RNF41: variants seen among roughly 807,000 people sequenced by gnomAD.
RNF41 encodes E3 ubiquitin-protein ligase NRDP1.
A neutral mutation model predicts 33.0 loss-of-function variants in RNF41; 4 were observed. The observed-to-expected ratio is 0.12, with a 90% CI of 0.06 to 0.28. RNF41 has a LOEUF of 0.28. RNF41 is among the 10% of genes least tolerant of loss of function. RNF41 has a pLI of 1.00. For synonymous variants in RNF41, 164 were observed against 153.2 expected (o/e 1.07, Z -0.52); for missense variants, 228 against 432.6 (o/e 0.53, Z 4.19).
At position 56,206,330 on chromosome 12, in the gene RNF41, T is replaced by C; in HGVS notation, c.*117A>G. The C allele has an allele frequency of 3.4e-6, 3 of 880,466 alleles. No individual in the cohort carries two copies. Among genetic ancestry groups the C allele is most frequent in the East Asian group, 2.4e-5 (1 of 41,144 alleles). The allele number at this position is 880,466 out of a possible 1,614,324, so 54.5% of individuals were successfully genotyped here. ...CTTCAGTGCCAGAAGGGCAGGGAGA[T>C]GTGTGGCTCAGGTATAAGCCACAGT... On this transcript the variant is annotated 3_prime_UTR_variant, in exon 7 of 7. Coordinates refer to ENST00000345093, the MANE Select transcript of RNF41 (RefSeq NM_005785.4). This position sits in a 1 kb window ranked among gnomAD's most constrained non-coding sequence, Gnocchi z 5.7.
rs186354588 is a variant in RNF41, at chr12:56,203,362, T to C, written c.*3085A>G. On this transcript the variant is annotated 3_prime_UTR_variant, in exon 7 of 7. Transcript: ENST00000345093. Reference sequence around the variant, plus strand: ...CCATGTCTGGCTATCCTTTTTCTTATGACAGGGAAAGGTAGCAGCAAATAC... The same window carrying C: ...CCATGTCTGGCTATCCTTTTTCTTACGACAGGGAAAGGTAGCAGCAAATAC... 2.7e-5 allele frequency: 4 copies of C among 149,434 alleles called. No individual in the cohort carries two copies. The highest frequency in any genetic ancestry group is 5.9e-5 in the Non-Finnish European group (4 of 67,736). The allele number at this position is 149,434 out of a possible 1,614,324, so 9.3% of individuals were successfully genotyped here. A position where few individuals can be genotyped will look rare whatever the true frequency, so the allele number is the denominator to read the frequency against.
At chr12:56,219,015 T>C (rs1325589308) in intron 1 of RNF41, among the ~76,000 whole-genome samples, 1 of 151,232 alleles carries the variant, frequency 6.6e-6, no homozygotes, top group Admixed American at 6.6e-5. Context: ...TTTTCTTTTT[T>C]TTTTTGAGAT....
At chr12:56,213,720 T>A (rs1342025089) in intron 3 of RNF41, among the ~76,000 whole-genome samples, 5 of 152,104 alleles carry the variant, frequency 3.3e-5, no homozygotes, top group African/African-American at 1.2e-4. Context: ...GAGAAATCTT[T>A]CAGAGTGACC....
At chr12:56,221,037 T>A (rs74454414) in intron 1 of RNF41, among the ~76,000 whole-genome samples, 2,222 of 152,230 alleles carry the variant, frequency 0.015, 25 homozygotes, top group Middle Eastern at 0.041. Flanking sequence ...ACAGCCCCAC[T>A]TGCTATTAAA....
In RNF41 at chr12:56,206,087, C is replaced by T. The variant is rs1003483273; in HGVS notation, c.*360G>A. 5 of 207,624 alleles carry T rather than the reference C, an allele frequency of 2.4e-5. No individual in the cohort carries two copies. The highest frequency in any genetic ancestry group is 1.9e-4 in the South Asian group (2 of 10,530). 12.9% of individuals were successfully genotyped at this position (207,624 alleles called of 1,614,324 possible). ...ATTCCCTGGTTTTGGAGGAGAGGGACGATTAGAGATTCCTTCCTCTGTCCT... is the reference window on the plus strand; with the variant it reads ...ATTCCCTGGTTTTGGAGGAGAGGGATGATTAGAGATTCCTTCCTCTGTCCT... On this transcript the variant is annotated 3_prime_UTR_variant, in exon 7 of 7. Coordinates refer to ENST00000345093, the MANE Select transcript of RNF41 (RefSeq NM_005785.4). The surrounding 1 kb of genome is among the most constrained non-coding windows in gnomAD (Gnocchi z 5.7).
At chr12:56,217,569 G>C (rs1352332309) in intron 1 of RNF41, among the ~76,000 whole-genome samples, 1 of 152,114 alleles carries the variant, frequency 6.6e-6, no homozygotes, top group African/African-American at 2.4e-5. Flanking sequence ...AAAATGCATA[G>C]ATCCATAATA....
chr12:56,207,850 A>T (rs60378437), intron 5 of RNF41, 101 bp from the exon 6 acceptor site: 1 of 956,614 alleles, frequency 1.0e-6, no homozygotes. Context: ...TCTGAAGAAC[A>T]ACCAGTTTGT....
Position 56,210,491 on chromosome 12 carries a change from G to A in RNF41, c.168C>T (p.Asp56=). 1 of 1,614,170 alleles carries A rather than the reference G, an allele frequency of 6.2e-7. No individual in the cohort carries two copies. The highest frequency in any genetic ancestry group is 8.5e-7 in the Non-Finnish European group (1 of 1,180,026). Residue 56 remains aspartate, a synonymous_variant, in exon 4 of 7, where the codon GAC becomes GAT. Coordinates refer to ENST00000345093, the MANE Select transcript of RNF41 (RefSeq NM_005785.4). ...WFSQQQTCPV[D]RSVVTVAHLR... ...GATGGGCGACCGTCACAACACTACG[G>A]TCCACTGGACATGTCTGTTGCTGAG...
At chr12:56,214,685 T>C (rs1258458821) in intron 2 of RNF41, among the ~76,000 whole-genome samples, 1 of 151,012 alleles carries the variant, frequency 6.6e-6, no homozygotes, top group African/African-American at 2.4e-5. Flanking sequence ...AAAAATTAGC[T>C]GGGCGTGGTG....
intron 1 of RNF41, among the ~76,000 whole-genome samples, chr12:56,216,900 G>C (rs1474530202): frequency 6.6e-6 from 1 of 152,182 alleles, no homozygotes; most frequent in Non-Finnish European, 1.5e-5. Flanking sequence ...CAGCTCTTAG[G>C]GAGGCCAAGG....
intron 1 of RNF41, among the ~76,000 whole-genome samples, chr12:56,220,471 C>T (rs901955101): frequency 6.6e-6 from 1 of 151,996 alleles, no homozygotes; most frequent in African/African-American, 2.4e-5. Flanking sequence ...CCCGCCTCGT[C>T]CTCCCAAAGT....
intron 2 of RNF41, among the ~76,000 whole-genome samples, chr12:56,215,398 C>G (rs534252792): frequency 1.1e-4 from 17 of 152,038 alleles, no homozygotes; most frequent in African/African-American, 3.4e-4. Flanking sequence ...AGAGTCTGAA[C>G]TTAGGTGGTG....
At chr12:56,210,654 C>T in intron 3 of RNF41, 86 bp from the exon 4 acceptor site, 2 of 1,406,764 alleles carry the variant, frequency 1.4e-6, no homozygotes, top group Non-Finnish European at 2.0e-6. Flanking sequence ...CAAAGCCAAT[C>T]AAGCCTTTGA....
rs1565937284 is a variant in RNF41 at position 56,203,213 on chromosome 12, C to T, written c.*3234G>A. On this transcript the variant is annotated 3_prime_UTR_variant, in exon 7 of 7. Transcript: ENST00000345093. Reference sequence around the variant, plus strand: ...TTCTTTTTTTTTTTTGAGACAGGCTCTTGCTCTGTCACCAGGCTGGAGTGC... The same window carrying T: ...TTCTTTTTTTTTTTTGAGACAGGCTTTTGCTCTGTCACCAGGCTGGAGTGC... 6.6e-6 allele frequency: 1 copy of T among 151,714 alleles called. No individual in the cohort carries two copies. The highest frequency in any genetic ancestry group is 1.5e-5 in the Non-Finnish European group (1 of 68,008). The allele number at this position is 151,714 out of a possible 1,614,324, so 9.4% of individuals were successfully genotyped here.
chr12:56,217,670 G>A (rs1199569891), intron 1 of RNF41, among the ~76,000 whole-genome samples: 6 of 152,294 alleles, frequency 3.9e-5, no homozygotes, highest in East Asian at 3.9e-4. Context: ...GAACCGGGTC[G>A]TACAGCAGGA....
intron 4 of RNF41, chr12:56,208,536 T>A (rs1209313833): frequency 2.8e-6 from 1 of 352,822 alleles, no homozygotes; most frequent in African/African-American, 2.1e-5. Context: ...CAGTGTTTTA[T>A]CTATTTTTTA....
chr12:56,212,922 G>C, intron 3 of RNF41: 5 of 1,037,412 alleles, frequency 4.8e-6, no homozygotes, highest in Non-Finnish European at 6.6e-6. Flanking sequence ...TACAGAATGA[G>C]GGCAATAAGG....
chr12:56,217,139 TAA>T (rs1180669951), intron 1 of RNF41, among the ~76,000 whole-genome samples: 34 of 104,722 alleles, frequency 3.2e-4, no homozygotes, highest in Admixed American at 5.8e-4. Context: ...GACTCCGTCT[TAA>T]AAAAAAAAAA....
intron 2 of RNF41, among the ~76,000 whole-genome samples, chr12:56,214,576 C>T (rs367774320): frequency 6.6e-6 from 1 of 151,514 alleles, no homozygotes; most frequent in East Asian, 1.9e-4. Flanking sequence ...CGCCTGTAAT[C>T]CCAGCACTTT....
Sources: allele counts gnomAD v4.1 joint callset (sites outside exome capture counted in the v4.1 genomes callset), GRCh38; gene constraint gnomAD v4.1.1; non-coding constraint Gnocchi (gnomAD v3.1); transcripts MANE v1.5; gene names NCBI Gene and HGNC (gene_info 2026-07-23, HGNC 2026-07-21).